The following PCDHGA8 variants were observed in gnomAD, a reference collection of about 807,000 sequenced individuals.
PCDHGA8 encodes protocadherin gamma subfamily A, 8, also known as protocadherin gamma-A8.
PCDHGA8 carries 45 observed loss-of-function variants against 59.2 expected under a neutral mutation model. That is an observed-to-expected ratio of 0.76 (90% CI 0.60 to 0.98). PCDHGA8 has a LOEUF of 0.98. Among genes scored for constraint, PCDHGA8 ranks in the 50% least tolerant of loss-of-function variants. The pLI is 0.00. For missense variants in PCDHGA8, 1,257 were observed against 1,196.2 expected, an observed-to-expected ratio of 1.05 and a Z score of -0.75; for synonymous variants, 531 against 519.0, an observed-to-expected ratio of 1.02 and a Z score of -0.32.
intron 1 of PCDHGA8, chr5:141,421,935 A>G: frequency 6.2e-7 from 1 of 1,613,514 alleles, no homozygotes; most frequent in East Asian, 2.2e-5. Context: ...TCCTCGATGT[A>G]AATGATCACA....
chr5:141,493,340 T>C lies in PCDHGA8; in HGVS notation c.2425-1467T>C, dbSNP rs889623993. Among the ~76,000 whole-genome samples, 1 of 152,202 alleles carries C rather than the reference T, an allele frequency of 6.6e-6. No homozygotes were observed. Among genetic ancestry groups the C allele is most frequent in the Admixed American group, 6.5e-5 (1 of 15,288 alleles). Reference sequence around the variant, plus strand: ...TTCTAACCCCTGTCTAACTCCAGAATGTGTGCTTTTAATTTCTTGGCACTT... The same window carrying C: ...TTCTAACCCCTGTCTAACTCCAGAACGTGTGCTTTTAATTTCTTGGCACTT... On this transcript the variant is annotated intron_variant, in intron 1 of 3. Coordinates refer to ENST00000398604, the MANE Select transcript of PCDHGA8 (RefSeq NM_032088.2). The surrounding 1 kb of genome is among the most constrained non-coding windows in gnomAD (Gnocchi z 4.3).
intron 1 of PCDHGA8, chr5:141,398,010 G>A: frequency 7.1e-7 from 1 of 1,408,980 alleles, no homozygotes; most frequent in South Asian, 1.5e-5. Context: ...AAAAAGAATC[G>A]TTTCCTAAAC....
At chr5:141,510,785 C>G (rs951225541) in intron 3 of PCDHGA8, among the ~76,000 whole-genome samples, 162 bp from the exon 4 acceptor site, 1 of 152,150 alleles carries the variant, frequency 6.6e-6, no homozygotes, top group Non-Finnish European at 1.5e-5. Flanking sequence ...ACCCTCAACT[C>G]TTGTGAAGAG....
In PCDHGA8 at chr5:141,419,316, G is replaced by A. The variant is rs775328616; in HGVS notation, c.2424+24079G>A. 1.1e-5 allele frequency: 18 copies of A among 1,613,994 alleles called. No individual in the cohort carries two copies. In the South Asian group the frequency reaches 1.8e-4, roughly 16 times the overall value. On this transcript the variant is annotated intron_variant, in intron 1 of 3. Coordinates refer to ENST00000398604, the MANE Select transcript of PCDHGA8 (RefSeq NM_032088.2). ...GACCCAGACTTCGGGCTCAACGGCC[G>A]TGTCTCCTACTCTCTCATTGCCAGC...
chr5:141,402,324 A>G (rs895598623), intron 1 of PCDHGA8, among the ~76,000 whole-genome samples: 2 of 152,012 alleles, frequency 1.3e-5, no homozygotes, highest in Admixed American at 1.3e-4. Context: ...TTTTACATTT[A>G]CAAATATATA....
intron 1 of PCDHGA8, chr5:141,399,389 C>G: frequency 1.2e-6 from 2 of 1,614,024 alleles, no homozygotes; most frequent in East Asian, 2.2e-5. Flanking sequence ...ATCACAGCCA[C>G]AGACAGGGGC....
intron 1 of PCDHGA8, among the ~76,000 whole-genome samples, chr5:141,437,076 A>G (rs1018228245): frequency 6.6e-6 from 1 of 152,236 alleles, no homozygotes; most frequent in African/African-American, 2.4e-5. Flanking sequence ...TTTGGGCCAT[A>G]TAAGAATTGA....
rs755130135 is a variant in PCDHGA8 at position 141,431,477 on chromosome 5, C to A, written c.2424+36240C>A. On this transcript the variant is annotated intron_variant, in intron 1 of 3. Coordinates refer to ENST00000398604, the MANE Select transcript of PCDHGA8 (RefSeq NM_032088.2). The surrounding 1 kb of genome is among the most constrained non-coding windows in gnomAD (Gnocchi z 4.8). ...GGTTCTGGATGCGAACGACAACGCA[C>A]CAGCGTTTGCTCAGCCCGAGTACCG... is the stretch of plus-strand genomic sequence containing the variant. 40 of 1,613,768 alleles carry A rather than the reference C, an allele frequency of 2.5e-5. No individual in the cohort carries two copies. The highest frequency in any genetic ancestry group is 3.3e-5 in the Admixed American group (2 of 60,008).
Position 141,478,294 on chromosome 5 carries a change from A to G in PCDHGA8, c.2425-16513A>G, listed in dbSNP as rs147994096. The G allele has an allele frequency of 3.6e-3, 5,805 of 1,614,110 alleles. 30 individuals are homozygous for G. Among genetic ancestry groups the G allele is most frequent in the Non-Finnish European group, 3.4e-3 (4,026 of 1,180,032 alleles). The stretch of plus-strand genomic sequence containing the variant: ...ACAAGTGGAAGCAGTCTAGAGACCT[A>G]TACCGAGCCCCGGTGAGCTCACTGT... On this transcript the variant is annotated intron_variant, in intron 1 of 3. Coordinates refer to ENST00000398604, the MANE Select transcript of PCDHGA8 (RefSeq NM_032088.2).
intron 1 of PCDHGA8, chr5:141,418,991 G>A (rs1335937354): frequency 6.2e-7 from 1 of 1,613,836 alleles, no homozygotes. Context: ...AGACTCAGGG[G>A]AAAATGGGGA....
At position 141,431,542 on chromosome 5, in the gene PCDHGA8, G is replaced by C; in HGVS notation, c.2424+36305G>C. On this transcript the variant is annotated intron_variant, in intron 1 of 3. Coordinates refer to ENST00000398604, the MANE Select transcript of PCDHGA8 (RefSeq NM_032088.2). The surrounding 1 kb of genome is among the most constrained non-coding windows in gnomAD (Gnocchi z 4.8). ...AGAATCTGGCCTTGGGCACGCAGCT[G>C]CTTGTAGTCAACGCTACCGACCCTG... The C allele has an allele frequency of 1.9e-6, 3 of 1,614,124 alleles. No homozygotes were observed. The highest frequency in any genetic ancestry group is 1.1e-5 in the South Asian group (1 of 91,086).
Position 141,491,895 on chromosome 5 carries a change from A to G in PCDHGA8, c.2425-2912A>G. On this transcript the variant is annotated intron_variant, in intron 1 of 3. Transcript: ENST00000398604. This position sits in a 1 kb window ranked among gnomAD's most constrained non-coding sequence, Gnocchi z 6.9. Reference sequence around the variant, plus strand: ...CCGATTAAGGGATGGGGCTCCGAGCACCGGGGGTGGTGGCGACTGTGGGCG... The same window carrying G: ...CCGATTAAGGGATGGGGCTCCGAGCGCCGGGGGTGGTGGCGACTGTGGGCG... 7.0e-7 allele frequency: 1 copy of G among 1,434,306 alleles called. No homozygotes were observed. The highest frequency in any genetic ancestry group is 9.2e-7 in the Non-Finnish European group (1 of 1,084,904). 88.8% of individuals were successfully genotyped at this position (1,434,306 alleles called of 1,614,324 possible). A position where few individuals can be genotyped will look rare whatever the true frequency, so the allele number is the denominator to read the frequency against.
At chr5:141,450,770 AG>A (rs1354382498) in intron 1 of PCDHGA8, among the ~76,000 whole-genome samples, 1 of 151,448 alleles carries the variant, frequency 6.6e-6, no homozygotes, top group Non-Finnish European at 1.5e-5. Context: ...TACAGGCATG[AG>A]CCACCGTGCC....
At position 141,450,006 on chromosome 5, in the gene PCDHGA8, C is replaced by CTATTTTTTTTTTT. The variant is rs70988802; in HGVS notation, c.2425-44800_2425-44799insATTTTTTTTTTTT. Among the ~76,000 whole-genome samples, 4 of 132,982 alleles carry CTATTTTTTTTTTT rather than the reference C, an allele frequency of 3.0e-5. 1 individual carries two copies. The highest frequency in any genetic ancestry group is 5.6e-5 in the African/African-American group (2 of 35,576). 87.2% of individuals were successfully genotyped at this position (132,982 alleles called of 152,430 possible). A position where few individuals can be genotyped will look rare whatever the true frequency, so the allele number is the denominator to read the frequency against. Reference sequence around the variant, plus strand: ...CACATTGCATTTAGTTGCCATGTCTCTTTTTTTTTTTTTTTTTTGAGACAG... The same window carrying CTATTTTTTTTTTT: ...CACATTGCATTTAGTTGCCATGTCTCTATTTTTTTTTTTTTTTTTTTTTTTTTTTTTGAGACAG... On this transcript the variant is annotated intron_variant, in intron 1 of 3. Transcript: ENST00000398604.
At position 141,487,267 on chromosome 5, in the gene PCDHGA8, G is replaced by A; in HGVS notation, c.2425-7540G>A. 3 of 1,614,134 alleles carry A rather than the reference G, an allele frequency of 1.9e-6. No individual in the cohort carries two copies. The highest frequency in any genetic ancestry group is 2.5e-6 in the Non-Finnish European group (3 of 1,180,024). ...CCCTCTACTTGGCTGTGTCCCTAGT[G>A]GCAATTTGCTTTGTCTCCTTTGGCT... is the stretch of plus-strand genomic sequence containing the variant. On this transcript the variant is annotated intron_variant, in intron 1 of 3. Transcript: ENST00000398604. The surrounding 1 kb of genome is among the most constrained non-coding windows in gnomAD (Gnocchi z 5.0).
chr5:141,495,469 C>G (rs1398171981), intron 2 of PCDHGA8, among the ~76,000 whole-genome samples: 1 of 152,220 alleles, frequency 6.6e-6, no homozygotes, highest in Non-Finnish European at 1.5e-5. Flanking sequence ...TGTGGGGTCT[C>G]CGTGTCTCTG....
intron 1 of PCDHGA8, chr5:141,413,395 G>C: frequency 6.2e-7 from 1 of 1,614,050 alleles, no homozygotes; most frequent in Non-Finnish European, 8.5e-7. Context: ...AGTCTCCAGA[G>C]GTAGGACGCA....
intron 1 of PCDHGA8, chr5:141,478,825 T>G: frequency 1.4e-6 from 2 of 1,441,878 alleles, no homozygotes; most frequent in East Asian, 5.0e-5. Context: ...TAACCAATCT[T>G]GCTAAGGGAT....
chr5:141,449,681 G>A (rs2098651836), intron 1 of PCDHGA8, among the ~76,000 whole-genome samples: 1 of 149,394 alleles, frequency 6.7e-6, no homozygotes, highest in Non-Finnish European at 1.5e-5. Context: ...ATGTATATAT[G>A]TTTGTGTGTA....
Sources: gnomAD v4.1 joint callset for allele counts (sites outside exome capture counted in the v4.1 genomes callset) on GRCh38, gnomAD v4.1.1 for gene constraint, Gnocchi (gnomAD v3.1) non-coding constraint, MANE v1.5 for transcripts, NCBI Gene and HGNC (gene_info 2026-07-23, HGNC 2026-07-21) for gene names.